NMNAT1: variants seen among roughly 807,000 people sequenced by gnomAD.
The protein encoded by NMNAT1 is nicotinamide nucleotide adenylyltransferase 1.
In NMNAT1, 11 loss-of-function variants were observed where a neutral mutation model predicts 16.7. The observed-to-expected ratio is 0.66, with a 90% confidence interval of 0.41 to 1.09. The LOEUF is 1.09. Among genes scored for constraint, NMNAT1 ranks in the 50% least tolerant of loss-of-function variants. The pLI, the probability that NMNAT1 is intolerant of heterozygous loss-of-function variation, is 0.00. For synonymous variants in NMNAT1, 110 were observed against 119.8 expected, an observed-to-expected ratio of 0.92 and a Z score of 0.53; for missense variants, 280 against 332.3, an observed-to-expected ratio of 0.84 and a Z score of 1.22.
chr1:9,961,411 C>T (rs1641403544), intron 1 of NMNAT1, among the ~76,000 whole-genome samples: 2 of 152,054 alleles, frequency 1.3e-5, no homozygotes. Flanking sequence ...TGAACCCAGC[C>T]CCTCCACCAG....
At chr1:9,949,126 C>T (rs1195640714) in intron 1 of NMNAT1, among the ~76,000 whole-genome samples, 3 of 150,820 alleles carry the variant, frequency 2.0e-5, no homozygotes, top group Non-Finnish European at 3.0e-5. Flanking sequence ...AAAAATTAGC[C>T]GGGCATGGTG....
At chr1:9,969,337 C>G (rs780467897) in intron 1 of NMNAT1, among the ~76,000 whole-genome samples, 2 of 151,982 alleles carry the variant, frequency 1.3e-5, no homozygotes, top group Admixed American at 6.6e-5. Context: ...GAGGATAGGG[C>G]TCTTGGAAAT....
intron 4 of NMNAT1, 35 bp downstream of exon 4, chr1:9,981,205 T>C (rs531632838): frequency 6.3e-7 from 1 of 1,588,068 alleles, no homozygotes; most frequent in South Asian, 1.2e-5. Flanking sequence ...CGGACTAGAG[T>C]TGATAAGATT....
At chr1:9,959,797 A>G (rs943735025) in intron 1 of NMNAT1, among the ~76,000 whole-genome samples, 1 of 152,212 alleles carries the variant, frequency 6.6e-6, no homozygotes, top group African/African-American at 2.4e-5. Context: ...TTAGCACTGA[A>G]TAACTTTAGG....
intron 1 of NMNAT1, among the ~76,000 whole-genome samples, chr1:9,962,257 C>A (rs774881715): frequency 6.6e-6 from 1 of 151,500 alleles, no homozygotes; most frequent in Non-Finnish European, 1.5e-5. Flanking sequence ...CTGAGGCAGG[C>A]GGATCACGAG....
chr1:9,995,727 A>G, the NMNAT1 span, among the ~76,000 whole-genome samples: 4 of 151,852 alleles, frequency 2.6e-5, no homozygotes, highest in Non-Finnish European at 5.9e-5. Flanking sequence ...AAATAAAAAG[A>G]ATAAATGAAA....
chr1:9,968,068 G>GTTTTTTTTTT lies in NMNAT1; in HGVS notation c.-56-3948_-56-3939dup, dbSNP rs1400220756. 2.0e-4 allele frequency among the ~76,000 whole-genome samples: 13 copies of GTTTTTTTTTT among 64,072 alleles called. 1 individual carries two copies. The highest frequency in any genetic ancestry group is 3.1e-4 in the Non-Finnish European group (7 of 22,330). 42.0% of individuals were successfully genotyped at this position (64,072 alleles called of 152,430 possible). ...GCATGTTTGCTATTTGCCAAATGTAGTTTTTTTTTTTGTTTTTTTTTGAGA... is the reference window on the plus strand; with the variant it reads ...GCATGTTTGCTATTTGCCAAATGTAGTTTTTTTTTTTTTTTTTTTTTGTTTTTTTTTGAGA... On this transcript the variant is annotated intron_variant, in intron 1 of 4. Transcript: ENST00000377205.
intron 1 of NMNAT1, among the ~76,000 whole-genome samples, chr1:9,969,027 G>A (rs1032273652): frequency 1.7e-4 from 26 of 151,942 alleles, no homozygotes; most frequent in African/African-American, 6.3e-4. Context: ...TGCCGTTGGA[G>A]CTGCAATTTG....
intron 1 of NMNAT1, among the ~76,000 whole-genome samples, chr1:9,944,714 G>A (rs1024287336): frequency 2.6e-5 from 4 of 152,154 alleles, no homozygotes; most frequent in Admixed American, 2.6e-4. Flanking sequence ...AGCTACCCAG[G>A]ATAAACTTCT....
downstream of NMNAT1, among the ~76,000 whole-genome samples, chr1:9,990,168 T>C (rs1557479631): frequency 6.6e-6 from 1 of 152,144 alleles, no homozygotes; most frequent in Non-Finnish European, 1.5e-5. Context: ...GAAGCTCAAC[T>C]CAAAGTGATC....
In NMNAT1 at chr1:9,959,326, C is replaced by T. The variant is rs371639052; in HGVS notation, c.-56-12692C>T. On this transcript the variant is annotated intron_variant, in intron 1 of 4. Coordinates refer to ENST00000377205, the MANE Select transcript of NMNAT1 (RefSeq NM_022787.4). ...GGCAGAGGTTGCAGTGAGCTGAGATCGTGCCATTGCACTACAGCCAGGGGA... is the reference window on the plus strand; with the variant it reads ...GGCAGAGGTTGCAGTGAGCTGAGATTGTGCCATTGCACTACAGCCAGGGGA... 1.7e-4 allele frequency among the ~76,000 whole-genome samples: 23 copies of T among 133,396 alleles called. No homozygotes were observed. The East Asian group carries it at 5.5e-3, about 32-fold the overall frequency. 87.5% of individuals were successfully genotyped at this position (133,396 alleles called of 152,430 possible).
chr1:9,943,694 C>A (rs1172771800), intron 1 of NMNAT1, among the ~76,000 whole-genome samples, 179 bp downstream of exon 1: 2 of 152,122 alleles, frequency 1.3e-5, no homozygotes, highest in Non-Finnish European at 2.9e-5. Context: ...CGGAAAACTT[C>A]GGTAAAATAG....
intron 2 of NMNAT1, among the ~76,000 whole-genome samples, chr1:9,973,675 T>C (rs1258953429): frequency 3.1e-5 from 3 of 96,338 alleles, no homozygotes; most frequent in African/African-American, 4.2e-5. Flanking sequence ...GCCACTGCAC[T>C]CCAGCCTGGG....
intron 1 of NMNAT1, among the ~76,000 whole-genome samples, chr1:9,950,166 C>T (rs1641074509): frequency 6.6e-6 from 1 of 152,176 alleles, no homozygotes; most frequent in African/African-American, 2.4e-5. Flanking sequence ...TCTCGGCTCA[C>T]TACAACCTCT....
rs1047431413 is a variant in NMNAT1, at chr1:9,979,670, T to C, written c.300-1361T>C. 9.9e-5 allele frequency among the ~76,000 whole-genome samples: 15 copies of C among 151,304 alleles called. No individual in the cohort carries two copies. The East Asian group carries it at 2.4e-3, about 24-fold the overall frequency. ...AGAAAAAATTAGCCGGGCGTGGTGG[T>C]GGGCGCCTGTAGTCCCAGCTACTCG... is the stretch of plus-strand genomic sequence containing the variant. On this transcript the variant is annotated intron_variant, in intron 3 of 4. Coordinates refer to ENST00000377205, the MANE Select transcript of NMNAT1 (RefSeq NM_022787.4).
At chr1:9,980,715 G>A (rs1641927806) in intron 3 of NMNAT1, among the ~76,000 whole-genome samples, 1 of 151,082 alleles carries the variant, frequency 6.6e-6, no homozygotes, top group Non-Finnish European at 1.5e-5. Flanking sequence ...GGAGTGCAGT[G>A]GTGCGGTCTT....
At chr1:9,943,090 T>C (rs533354809), upstream of NMNAT1, 6 of 212,312 alleles carry the variant, frequency 2.8e-5, no homozygotes, top group East Asian at 5.4e-4. Context: ...CCAACAGGAC[T>C]GGGTGAAGAA....
At chr1:9,962,313 T>G (rs2101669248) in intron 1 of NMNAT1, among the ~76,000 whole-genome samples, 1 of 151,474 alleles carries the variant, frequency 6.6e-6, no homozygotes, top group Admixed American at 6.6e-5. Context: ...AAACCCCGTC[T>G]CTACTAAAAA....
chr1:9,974,301 C>G (rs1470800063), intron 2 of NMNAT1, among the ~76,000 whole-genome samples: 1 of 151,844 alleles, frequency 6.6e-6, no homozygotes, highest in Non-Finnish European at 1.5e-5. Flanking sequence ...TCACAGCTCA[C>G]TGCAGCCTTT....
Sources: gnomAD v4.1 joint callset for allele counts (sites outside exome capture counted in the v4.1 genomes callset) on GRCh38, gnomAD v4.1.1 for gene constraint, MANE v1.5 for transcripts, NCBI Gene and HGNC (gene_info 2026-07-23, HGNC 2026-07-21) for gene names.